The following WWOX variants were observed in gnomAD, a reference collection of about 807,000 sequenced individuals.
The protein encoded by WWOX is WW domain containing oxidoreductase.
A neutral mutation model predicts 46.2 loss-of-function variants in WWOX; 69 were observed. That is an observed-to-expected ratio of 1.49 (90% CI 1.23 to 1.82). WWOX has a LOEUF of 1.82. Ranked by LOEUF, WWOX falls within the 40% of genes most tolerant of loss-of-function variation. The probability of loss-of-function intolerance (pLI) is 0.00; values close to 1 mark genes in which losing one functional copy is unlikely to be tolerated. For missense variants in WWOX, 919 were observed against 542.6 expected (o/e 1.69, Z -6.89); for synonymous variants, 359 against 202.6 (o/e 1.77, Z -6.56).
intron 4 of WWOX, chr16:78,123,882 C>G (rs1597233160): frequency 6.6e-6 from 1 of 152,130 alleles, no homozygotes. Context: ...GAAAACGTGT[C>G]CTTTTGGGCT....
intron 8 of WWOX, chr16:79,106,829 A>G (rs1382041298): frequency 9.8e-6 from 1 of 101,752 alleles, no homozygotes; most frequent in Non-Finnish European, 1.9e-5. Context: ...TTTTTTTGAG[A>G]TGGAGTCTTG....
At position 78,806,034 on chromosome 16, in the gene WWOX, C is replaced by T. The variant is rs370782028; in HGVS notation, c.1056+373282C>T. 3.9e-5 allele frequency among the ~76,000 whole-genome samples: 6 copies of T among 152,210 alleles called. No homozygotes were observed. In the East Asian group the frequency reaches 5.8e-4, roughly 15 times the overall value. ...AGCCAAATAATGAATTAATCCAAAG[C>T]CACTTGAGGCTCTAGATAGATCTTA... On this transcript the variant is annotated intron_variant, in intron 8 of 8. Coordinates refer to ENST00000566780, the MANE Select transcript of WWOX (RefSeq NM_016373.4).
intron 8 of WWOX, among the ~76,000 whole-genome samples, chr16:78,884,811 C>G (rs2044419366): frequency 6.6e-6 from 1 of 152,120 alleles, no homozygotes; most frequent in East Asian, 1.9e-4. Context: ...GTATATTTTA[C>G]TCTAACAAAA....
rs1213702410 is a variant in WWOX, at chr16:78,432,724, C to T, written c.1028C>T (p.Thr343Ile). Residue 343 changes from threonine (T) to isoleucine (I), a missense_variant, in exon 8 of 9, where the codon ACC becomes ATC. Physicochemically the swap from Thr to Ile is moderately conservative, Grantham distance 89. Coordinates refer to ENST00000566780, the MANE Select transcript of WWOX (RefSeq NM_016373.4). Reference protein sequence around the residue: ...RSWWVYTLLFTLARPFTKSMQ... With the variant: ...RSWWVYTLLFILARPFTKSMQ... ...TGGTGGGTGTACACACTGCTGTTTACCTTGGCGAGGCCTTTCACCAAGTCC... is the reference window on the plus strand; with the variant it reads ...TGGTGGGTGTACACACTGCTGTTTATCTTGGCGAGGCCTTTCACCAAGTCC... 2 of 1,614,026 alleles carry T rather than the reference C, an allele frequency of 1.2e-6. No homozygotes were observed. Among genetic ancestry groups the T allele is most frequent in the African/African-American group, 1.3e-5 (1 of 74,902 alleles).
rs72803925 is a variant in WWOX at position 78,538,975 on chromosome 16, C to G, written c.1056+106223C>G. ...CTTTGGACGGCAAACCAAGCAATGC[C>G]CTTTCACAGCTGTGGGATGAATGGG... On this transcript the variant is annotated intron_variant, in intron 8 of 8. Coordinates refer to ENST00000566780, the MANE Select transcript of WWOX (RefSeq NM_016373.4). Among the ~76,000 whole-genome samples the G allele has an allele frequency of 7.3e-3, 1,114 of 152,292 alleles. 10 individuals are homozygous for G. Among genetic ancestry groups the G allele is most frequent in the South Asian group, 0.02 (95 of 4,828 alleles).
chr16:79,212,108 T>G lies in WWOX; in HGVS notation c.*312T>G. The G allele has an allele frequency of 2.0e-6, 3 of 1,535,994 alleles. No individual in the cohort carries two copies. The highest frequency in any genetic ancestry group is 2.6e-6 in the Non-Finnish European group (3 of 1,146,834). On this transcript the variant is annotated 3_prime_UTR_variant, in exon 9 of 9. Transcript: ENST00000566780. ...CCTGGAGAAGCACCAGCAATTCTCT[T>G]TCTTTTACTGTTATAGAATAGCCTG...
At chr16:79,149,331 CTATATTGATT>C (rs1348057054) in intron 8 of WWOX, among the ~76,000 whole-genome samples, 3 of 152,172 alleles carry the variant, frequency 2.0e-5, no homozygotes, top group Non-Finnish European at 4.4e-5. Flanking sequence ...ATATGGTGGA[CTATATTGATT>C]TTAAATATTG....
chr16:78,195,772 A>G (rs1409307244), intron 5 of WWOX, among the ~76,000 whole-genome samples: 1 of 146,140 alleles, frequency 6.8e-6, no homozygotes, highest in Non-Finnish European at 1.5e-5. Context: ...GCGTGAGCTG[A>G]GATCGCACCA....
At chr16:78,700,214 A>T (rs2048183157) in intron 8 of WWOX, among the ~76,000 whole-genome samples, 1 of 149,768 alleles carries the variant, frequency 6.7e-6, no homozygotes, top group Non-Finnish European at 1.5e-5. Context: ...TGGAGGCTGG[A>T]AGTCAGATGT....
chr16:78,687,225 G>A (rs1446286149), intron 8 of WWOX, among the ~76,000 whole-genome samples: 1 of 152,076 alleles, frequency 6.6e-6, no homozygotes, highest in African/African-American at 2.4e-5. Context: ...GTAAATCCAA[G>A]TTGCTTTAAG....
intron 8 of WWOX, among the ~76,000 whole-genome samples, chr16:79,044,501 G>A (rs2048030777): frequency 6.6e-6 from 1 of 152,122 alleles, no homozygotes; most frequent in African/African-American, 2.4e-5. Flanking sequence ...CCTGTCTCTT[G>A]CTCCTGCCCT....
intron 8 of WWOX, among the ~76,000 whole-genome samples, chr16:78,587,805 T>C (rs548808712): frequency 8.5e-5 from 13 of 152,294 alleles, no homozygotes; most frequent in Non-Finnish European, 1.5e-4. Context: ...GCCAGGACTT[T>C]TTCCTGGTAA....
chr16:78,741,943 G>A (rs2049238082), intron 8 of WWOX, among the ~76,000 whole-genome samples: 1 of 152,158 alleles, frequency 6.6e-6, no homozygotes, highest in African/African-American at 2.4e-5. Context: ...GCAAAAGGAT[G>A]TTCCACATTT....
intron 6 of WWOX, among the ~76,000 whole-genome samples, chr16:78,414,441 C>T (rs1215892411): frequency 4.6e-5 from 7 of 152,150 alleles, no homozygotes; most frequent in African/African-American, 2.4e-5. Context: ...TGGTGCTGTG[C>T]ACCTGTAATC....
intron 4 of WWOX, among the ~76,000 whole-genome samples, chr16:78,159,672 GTTTT>G (rs35468343): frequency 1.3e-4 from 7 of 55,372 alleles, no homozygotes; most frequent in Non-Finnish European, 1.6e-4. Flanking sequence ...AAAATCTGTG[GTTTT>G]TTTTTTTTTT....
chr16:78,722,034 A>G (rs907407748), intron 8 of WWOX, among the ~76,000 whole-genome samples: 3 of 152,234 alleles, frequency 2.0e-5, no homozygotes, highest in East Asian at 1.9e-4. Context: ...GGTATTTTGC[A>G]TATTAATACT....
At chr16:78,271,310 A>G (rs1166893574) in intron 5 of WWOX, among the ~76,000 whole-genome samples, 1 of 152,148 alleles carries the variant, frequency 6.6e-6, no homozygotes, top group Non-Finnish European at 1.5e-5. Context: ...GTATCTTGTC[A>G]AAGGAAATCA....
At chr16:78,327,980 C>T (rs1046399354) in intron 5 of WWOX, among the ~76,000 whole-genome samples, 3 of 150,524 alleles carry the variant, frequency 2.0e-5, no homozygotes, top group East Asian at 3.9e-4. Flanking sequence ...GGGCTCAAGC[C>T]AGCCGCCCAT....
intron 8 of WWOX, among the ~76,000 whole-genome samples, chr16:79,143,371 G>C (rs2050126298): frequency 6.6e-6 from 1 of 152,106 alleles, no homozygotes; most frequent in Admixed American, 6.5e-5. Context: ...TGTATTTCTT[G>C]AATTTTAACT....
Sources: allele counts gnomAD v4.1 joint callset (sites outside exome capture counted in the v4.1 genomes callset), GRCh38; gene constraint gnomAD v4.1.1; transcripts MANE v1.5; gene names NCBI Gene and HGNC (gene_info 2026-07-23, HGNC 2026-07-21).